Variants in TRPC7 observed in about 807,000 individuals in gnomAD.
The protein encoded by TRPC7 is short transient receptor potential channel 7.
TRPC7 carries 42 observed loss-of-function variants against 90.1 expected under a neutral mutation model. The ratio of observed to expected loss-of-function variants is 0.47; its 90% CI spans 0.36 to 0.60. The LOEUF is 0.60. TRPC7 is among the 20% of genes least tolerant of loss of function. The pLI, the probability that TRPC7 is intolerant of heterozygous loss-of-function variation, is 0.00. For synonymous variants in TRPC7, 451 were observed against 436.3 expected, an observed-to-expected ratio of 1.03 and a Z score of -0.42; for missense variants, 955 against 1,112.3, an observed-to-expected ratio of 0.86 and a Z score of 2.01.
intron 11 of TRPC7, among the ~76,000 whole-genome samples, chr5:136,215,201 C>T (rs528593587): frequency 1.1e-4 from 16 of 152,064 alleles, no homozygotes; most frequent in Non-Finnish European, 1.9e-4. Context: ...AAGCAAGCGG[C>T]GGCAGACCCT....
At chr5:136,287,287 T>C (rs2149821952) in intron 3 of TRPC7, among the ~76,000 whole-genome samples, 1 of 152,254 alleles carries the variant, frequency 6.6e-6, no homozygotes, top group African/African-American at 2.4e-5. Flanking sequence ...TAATAGTTTC[T>C]TGAGGTTTTT....
chr5:136,290,573 T>C (rs1026581987), intron 3 of TRPC7, among the ~76,000 whole-genome samples: 1 of 151,976 alleles, frequency 6.6e-6, no homozygotes, highest in Non-Finnish European at 1.5e-5. Context: ...AAATGAAGCA[T>C]GAAGAGAAGT....
At chr5:136,324,838 TC>T (rs1308049328) in intron 2 of TRPC7, among the ~76,000 whole-genome samples, 4 of 152,316 alleles carry the variant, frequency 2.6e-5, no homozygotes, top group Non-Finnish European at 5.9e-5. Context: ...TGTAGAGACA[TC>T]CATACAATAC....
At chr5:136,363,962 C>A (rs543957079) in intron 1 of TRPC7, among the ~76,000 whole-genome samples, 1 of 152,196 alleles carries the variant, frequency 6.6e-6, no homozygotes, top group African/African-American at 2.4e-5. Flanking sequence ...AAAGATTTTT[C>A]TTGAAATAAA....
rs1404057457 is a variant in TRPC7, at chr5:136,274,842, AAAAAC to A, written c.964-10_964-6del. The stretch of plus-strand genomic sequence containing the variant: ...ACAGTTAGGATGAGCAACGAACTGT[AAAAAC>A]AAAACAAAAACAAAAACAAAACGCA... On this transcript the variant is annotated splice_region_variant and splice_polypyrimidine_tract_variant and intron_variant, in intron 3 of 11. Transcript: ENST00000513104. The A allele has an allele frequency of 6.4e-7, 1 of 1,555,628 alleles. No individual in the cohort carries two copies. The highest frequency in any genetic ancestry group is 1.2e-5 in the South Asian group (1 of 84,384).
In TRPC7 at chr5:136,226,278, A is replaced by C. The variant is rs559361658; in HGVS notation, c.2041-23T>G. On this transcript the variant is annotated intron_variant, in intron 8 of 11. Coordinates refer to ENST00000513104, the MANE Select transcript of TRPC7 (RefSeq NM_020389.3). ...CTCCTGTGGAACAAGGGAAACAACA[A>C]CACACCCTCAAAGGCCACGATTTAA... The C allele has an allele frequency of 2.8e-5, 43 of 1,532,814 alleles. No individual in the cohort carries two copies. The East Asian group carries it at 1.1e-3, about 38-fold the overall frequency. 95.0% of individuals were successfully genotyped at this position (1,532,814 alleles called of 1,614,324 possible).
intron 3 of TRPC7, among the ~76,000 whole-genome samples, chr5:136,291,083 G>A (rs541471684): frequency 1.3e-5 from 2 of 152,294 alleles, no homozygotes; most frequent in South Asian, 2.1e-4. Context: ...TTACAGAGAA[G>A]CAAATGCTGA....
At chr5:136,228,733 G>T (rs1755718266) in intron 8 of TRPC7, among the ~76,000 whole-genome samples, 1 of 152,180 alleles carries the variant, frequency 6.6e-6, no homozygotes, top group Non-Finnish European at 1.5e-5. Flanking sequence ...CCTCATGGAA[G>T]GGTTTACAAA....
At chr5:136,352,623 C>T (rs980583531) in intron 2 of TRPC7, among the ~76,000 whole-genome samples, 35 of 152,146 alleles carry the variant, frequency 2.3e-4, no homozygotes, top group Non-Finnish European at 4.1e-4. Flanking sequence ...GCATATTCCA[C>T]AAGGATGAAG....
At chr5:136,276,005 G>A (rs1474715152) in intron 3 of TRPC7, among the ~76,000 whole-genome samples, 1 of 152,152 alleles carries the variant, frequency 6.6e-6, no homozygotes, top group Non-Finnish European at 1.5e-5. Flanking sequence ...TAAACAAAAT[G>A]TTTTGTTTTT....
chr5:136,290,557 T>C (rs995206031), intron 3 of TRPC7, among the ~76,000 whole-genome samples: 1 of 151,790 alleles, frequency 6.6e-6, no homozygotes, highest in African/African-American at 2.4e-5. Context: ...GAAGACAAAA[T>C]GAATGAAATG....
chr5:136,306,977 C>T lies in TRPC7; in HGVS notation c.963+8620G>A, dbSNP rs145796921. 3.6e-3 allele frequency among the ~76,000 whole-genome samples: 546 copies of T among 152,324 alleles called. 2 individuals are homozygous for T. Among genetic ancestry groups the T allele is most frequent in the Admixed American group, 5.2e-3 (79 of 15,302 alleles). Reference sequence around the variant, plus strand: ...CCAGGTGAAATAAACAGCCATGTTGCTCACACAAAGCCTGTTTGGTGGTCT... The same window carrying T: ...CCAGGTGAAATAAACAGCCATGTTGTTCACACAAAGCCTGTTTGGTGGTCT... On this transcript the variant is annotated intron_variant, in intron 3 of 11. Transcript: ENST00000513104.
At position 136,346,669 on chromosome 5, in the gene TRPC7, A is replaced by T. The variant is rs74549765; in HGVS notation, c.780+9939T>A. 1.8e-3 allele frequency among the ~76,000 whole-genome samples: 270 copies of T among 152,198 alleles called. 1 individual carries two copies. The highest frequency in any genetic ancestry group is 5.9e-3 in the African/African-American group (247 of 41,516). ...ATAACCTCCGGTTTTCTCCGGACTG[A>T]CCTCTTAGTTAGGATTATCTTTGGC... is the stretch of plus-strand genomic sequence containing the variant. On this transcript the variant is annotated intron_variant, in intron 2 of 11. Transcript: ENST00000513104.
At chr5:136,286,024 T>C (rs976917643) in intron 3 of TRPC7, among the ~76,000 whole-genome samples, 2 of 152,248 alleles carry the variant, frequency 1.3e-5, no homozygotes, top group Non-Finnish European at 1.5e-5. Context: ...ATAAGCTTTA[T>C]AAGATCAAGG....
intron 3 of TRPC7, among the ~76,000 whole-genome samples, chr5:136,281,772 A>C (rs936414666): frequency 1.3e-5 from 2 of 152,214 alleles, no homozygotes; most frequent in Non-Finnish European, 2.9e-5. Flanking sequence ...GGGAGGTTTC[A>C]AGGGTTTAGA....
chr5:136,296,621 G>C (rs1309271152), intron 3 of TRPC7, among the ~76,000 whole-genome samples: 2 of 152,106 alleles, frequency 1.3e-5, no homozygotes, highest in Non-Finnish European at 2.9e-5. Flanking sequence ...CTACTGCCAG[G>C]TGGATCAAAT....
At chr5:136,337,437 G>T (rs2149849998) in intron 2 of TRPC7, among the ~76,000 whole-genome samples, 1 of 152,298 alleles carries the variant, frequency 6.6e-6, no homozygotes, top group African/African-American at 2.4e-5. Context: ...GGAAGCCAAG[G>T]TGGGCGGATC....
chr5:136,213,623 T>C lies in TRPC7; in HGVS notation c.2420-19A>G. The C allele has an allele frequency of 6.2e-7, 1 of 1,613,070 alleles. No homozygotes were observed. On this transcript the variant is annotated intron_variant, in intron 11 of 11. Coordinates refer to ENST00000513104, the MANE Select transcript of TRPC7 (RefSeq NM_020389.3). ...AGCTCGCCTGCAAGGACAGAGGAGA[T>C]TTTGCTGAGTCTGAGTAGGTGGAAG...
At chr5:136,312,152 T>C (rs1351143554) in intron 3 of TRPC7, among the ~76,000 whole-genome samples, 2 of 152,164 alleles carry the variant, frequency 1.3e-5, no homozygotes, top group African/African-American at 4.8e-5. Context: ...CCAGAAACCC[T>C]GCTTGACATT....
Sources: allele counts gnomAD v4.1 joint callset (sites outside exome capture counted in the v4.1 genomes callset), GRCh38; gene constraint gnomAD v4.1.1; transcripts MANE v1.5; gene names NCBI Gene and HGNC (gene_info 2026-07-23, HGNC 2026-07-21).